EPHA6: variants seen among roughly 807,000 people sequenced by gnomAD.
The protein encoded by EPHA6 is ephrin type-A receptor 6.
EPHA6 carries 50 observed loss-of-function variants against 112.0 expected under a neutral mutation model. The observed-to-expected ratio is 0.45, with a 90% CI of 0.36 to 0.56. EPHA6 has a LOEUF of 0.56. Ranked by LOEUF, EPHA6 falls within the 20% of genes least tolerant of loss-of-function variation. The probability of loss-of-function intolerance (pLI) is 0.00; values close to 1 mark genes in which losing one functional copy is unlikely to be tolerated. For synonymous variants in EPHA6, 529 were observed against 490.7 expected, an observed-to-expected ratio of 1.08 and a Z score of -1.03; for missense variants, 1,280 against 1,417.4, an observed-to-expected ratio of 0.90 and a Z score of 1.56.
chr3:97,493,698 C>T (rs9289380), intron 10 of EPHA6, among the ~76,000 whole-genome samples: 2,756 of 151,852 alleles, frequency 0.018, 102 homozygotes, highest in African/African-American at 0.064. Context: ...TCACTGTTAT[C>T]CAAGTGTCTT....
chr3:97,108,596 C>T lies in EPHA6; in HGVS notation c.1115-117668C>T, dbSNP rs138749287. Among the ~76,000 whole-genome samples, 268 of 152,184 alleles carry T rather than the reference C, an allele frequency of 1.8e-3. 9 individuals carry two copies. In the East Asian group the frequency reaches 0.046, roughly 26 times the overall value. ...TCATGAGATCTAAGAGATGAAGGGA[C>T]GATTTTTCAGTGACCCACTCCATAT... On this transcript the variant is annotated intron_variant, in intron 3 of 17. Coordinates refer to ENST00000389672, the MANE Select transcript of EPHA6 (RefSeq NM_001080448.3).
intron 2 of EPHA6, among the ~76,000 whole-genome samples, chr3:96,977,674 A>T (rs1291781182): frequency 6.6e-6 from 1 of 151,226 alleles, no homozygotes; most frequent in Non-Finnish European, 1.5e-5. Context: ...CTTGAACAGC[A>T]TGGAGATTGA....
chr3:96,979,471 T>C (rs1467588519), intron 2 of EPHA6, among the ~76,000 whole-genome samples: 1 of 152,188 alleles, frequency 6.6e-6, no homozygotes, highest in Non-Finnish European at 1.5e-5. Flanking sequence ...TTGGGTTGGT[T>C]CTAAGTCTTT....
chr3:96,949,746 T>G (rs2041446220), intron 2 of EPHA6, among the ~76,000 whole-genome samples: 1 of 152,100 alleles, frequency 6.6e-6, no homozygotes, highest in Admixed American at 6.6e-5. Context: ...ATGTCAGTAT[T>G]TTTACCACTT....
chr3:97,595,448 A>G (rs927763377), intron 12 of EPHA6, among the ~76,000 whole-genome samples: 2 of 152,162 alleles, frequency 1.3e-5, no homozygotes, highest in Non-Finnish European at 2.9e-5. Flanking sequence ...GTTAGAGACC[A>G]GCCTGGCCAA....
chr3:97,601,987 C>T (rs1156657408), intron 12 of EPHA6, among the ~76,000 whole-genome samples: 1 of 151,696 alleles, frequency 6.6e-6, no homozygotes, highest in Non-Finnish European at 1.5e-5. Context: ...TTTGAAATAC[C>T]ACTGGAAAAT....
At chr3:97,706,690 C>CTT (rs2033693669) in intron 14 of EPHA6, among the ~76,000 whole-genome samples, 1 of 151,894 alleles carries the variant, frequency 6.6e-6, no homozygotes, top group Non-Finnish European at 1.5e-5. Context: ...CAAATTCTGA[C>CTT]TTTTCTTGTC....
At chr3:97,464,659 G>T (rs1387983094) in intron 7 of EPHA6, among the ~76,000 whole-genome samples, 1 of 152,006 alleles carries the variant, frequency 6.6e-6, no homozygotes, top group African/African-American at 2.4e-5. Flanking sequence ...GAAAAAAGAT[G>T]ATTCTGGCCT....
intron 3 of EPHA6, among the ~76,000 whole-genome samples, chr3:97,039,469 A>C (rs1283603562): frequency 2.6e-5 from 4 of 152,016 alleles, no homozygotes; most frequent in Admixed American, 2.6e-4. Flanking sequence ...ATGGGAAATG[A>C]AGAAGTAAAT....
chr3:97,400,093 T>C (rs568163756), intron 5 of EPHA6, among the ~76,000 whole-genome samples: 53 of 151,834 alleles, frequency 3.5e-4, no homozygotes, highest in Non-Finnish European at 6.6e-4. Flanking sequence ...TTTAAGTCTT[T>C]AATCCATTTA....
At position 96,875,731 on chromosome 3, in the gene EPHA6, C is replaced by A. The variant is rs575439138; in HGVS notation, c.450+8842C>A. Among the ~76,000 whole-genome samples, 13 of 151,948 alleles carry A rather than the reference C, an allele frequency of 8.6e-5. 1 individual carries two copies. In the South Asian group the frequency reaches 2.7e-3, roughly 32 times the overall value. ...TGTAAAAATATGTAGATGTATAATA[C>A]ACATTACACACACACACATACACAA... is the stretch of plus-strand genomic sequence containing the variant. On this transcript the variant is annotated intron_variant, in intron 2 of 17. Coordinates refer to ENST00000389672, the MANE Select transcript of EPHA6 (RefSeq NM_001080448.3).
At chr3:97,636,344 A>G (rs1250915630) in intron 13 of EPHA6, among the ~76,000 whole-genome samples, 2 of 152,156 alleles carry the variant, frequency 1.3e-5, no homozygotes, top group African/African-American at 4.8e-5. Context: ...GGTAGTGTAC[A>G]TGATAGAAGA....
intron 1 of EPHA6, among the ~76,000 whole-genome samples, chr3:96,835,969 A>G (rs895586706): frequency 5.3e-5 from 8 of 152,150 alleles, no homozygotes; most frequent in African/African-American, 9.7e-5. Context: ...ATAAGCATCA[A>G]TGATGATTAT....
chr3:97,105,087 A>C (rs182847274), intron 3 of EPHA6, among the ~76,000 whole-genome samples: 2 of 149,348 alleles, frequency 1.3e-5, no homozygotes, highest in East Asian at 2.0e-4. Context: ...TTAAAAAAAA[A>C]CTCCTCGATT....
At chr3:96,892,137 G>A in intron 2 of EPHA6, among the ~76,000 whole-genome samples, 1 of 152,150 alleles carries the variant, frequency 6.6e-6, no homozygotes, top group East Asian at 1.9e-4. Context: ...ACTTCATATA[G>A]AGAGATACCA....
At chr3:97,661,029 T>C (rs904460224) in intron 14 of EPHA6, among the ~76,000 whole-genome samples, 21 of 152,238 alleles carry the variant, frequency 1.4e-4, no homozygotes, top group African/African-American at 4.8e-4. Flanking sequence ...TTCCACTGAA[T>C]TTCTAAGGTG....
intron 14 of EPHA6, among the ~76,000 whole-genome samples, chr3:97,717,041 C>T (rs1474569807): frequency 2.0e-5 from 3 of 151,884 alleles, no homozygotes; most frequent in African/African-American, 7.2e-5. Flanking sequence ...GTCAGCCTGG[C>T]CGACATGGTG....
chr3:96,836,626 A>G (rs1487649212), intron 1 of EPHA6, among the ~76,000 whole-genome samples: 2 of 152,156 alleles, frequency 1.3e-5, no homozygotes, highest in Non-Finnish European at 2.9e-5. Context: ...AATTCCAAAA[A>G]CTGTGATTCA....
chr3:97,716,184 C>T (rs1485117196), intron 14 of EPHA6, among the ~76,000 whole-genome samples: 1 of 152,124 alleles, frequency 6.6e-6, no homozygotes, highest in East Asian at 1.9e-4. Flanking sequence ...TAGTGCATTA[C>T]CTCTGTATAT....
Sources: allele counts gnomAD v4.1 joint callset (sites outside exome capture counted in the v4.1 genomes callset), GRCh38; gene constraint gnomAD v4.1.1; transcripts MANE v1.5; gene names NCBI Gene and HGNC (gene_info 2026-07-23, HGNC 2026-07-21).